Variants in PARD3B observed in about 807,000 individuals in gnomAD.
The protein encoded by PARD3B is par-3 family cell polarity regulator beta.
PARD3B carries 103 observed loss-of-function variants against 130.2 expected under a neutral mutation model. The observed-to-expected ratio is 0.79, with a 90% CI of 0.67 to 0.93. PARD3B has a LOEUF of 0.93. Among genes scored for constraint, PARD3B ranks in the 40% least tolerant of loss-of-function variants. The pLI is 0.00. For synonymous variants in PARD3B, 583 were observed against 553.2 expected (o/e 1.05, Z -0.76); for missense variants, 1,609 against 1,499.2 (o/e 1.07, Z -1.21).
At chr2:205,126,408 C>T (rs2031401361) in intron 10 of PARD3B, among the ~76,000 whole-genome samples, 1 of 151,978 alleles carries the variant, frequency 6.6e-6, no homozygotes, top group African/African-American at 2.4e-5. Flanking sequence ...AACTGTAAGG[C>T]ATTGGTTAGA....
intron 3 of PARD3B, among the ~76,000 whole-genome samples, chr2:205,001,079 C>A (rs527848289): frequency 2.3e-4 from 35 of 152,152 alleles, no homozygotes; most frequent in Non-Finnish European, 4.1e-4. Flanking sequence ...ACCTCTGCCT[C>A]CCAGGTTCAA....
At chr2:205,485,988 A>C (rs9630976) in intron 20 of PARD3B, among the ~76,000 whole-genome samples, 52,483 of 152,072 alleles carry the variant, frequency 0.35, 9,193 homozygotes, top group Middle Eastern at 0.5. Context: ...GTGTCTCCCC[A>C]ACTAGACTGT....
At chr2:204,646,223 C>T (rs777728557) in intron 1 of PARD3B, among the ~76,000 whole-genome samples, 4 of 152,030 alleles carry the variant, frequency 2.6e-5, no homozygotes, top group Non-Finnish European at 4.4e-5. Flanking sequence ...TTGCTTGCAC[C>T]CCAGAAGTTC....
chr2:205,447,398 A>T (rs1387094761), intron 20 of PARD3B, among the ~76,000 whole-genome samples: 1 of 152,036 alleles, frequency 6.6e-6, no homozygotes, highest in African/African-American at 2.4e-5. Context: ...TTTTCTTGAG[A>T]TGGAGCTTCA....
intron 4 of PARD3B, among the ~76,000 whole-genome samples, chr2:205,100,611 G>A (rs905117681): frequency 9.9e-5 from 15 of 152,098 alleles, no homozygotes; most frequent in African/African-American, 3.1e-4. Flanking sequence ...ATAATTGACT[G>A]TGTCGTACTG....
intron 18 of PARD3B, among the ~76,000 whole-genome samples, chr2:205,308,182 C>A (rs926370284): frequency 6.6e-6 from 1 of 152,004 alleles, no homozygotes; most frequent in Non-Finnish European, 1.5e-5. Flanking sequence ...TTTATTAAAG[C>A]CCTATTTTGT....
At chr2:204,696,982 ACATGTT>A (rs2037640092) in intron 2 of PARD3B, among the ~76,000 whole-genome samples, 1 of 152,110 alleles carries the variant, frequency 6.6e-6, no homozygotes, top group South Asian at 2.1e-4. Context: ...ATTGAAATAC[ACATGTT>A]TATACAATAC....
chr2:204,932,963 A>T (rs920286322), intron 2 of PARD3B, among the ~76,000 whole-genome samples: 2 of 152,170 alleles, frequency 1.3e-5, no homozygotes, highest in African/African-American at 4.8e-5. Flanking sequence ...AGGGTTATGT[A>T]TTATTCAATT....
At chr2:205,186,989 A>G (rs1244631642) in intron 14 of PARD3B, among the ~76,000 whole-genome samples, 2 of 152,198 alleles carry the variant, frequency 1.3e-5, no homozygotes, top group Non-Finnish European at 2.9e-5. Context: ...TGCAAAGCTG[A>G]ATCAGATATA....
chr2:205,346,648 C>T (rs2043802712), intron 18 of PARD3B, among the ~76,000 whole-genome samples: 1 of 152,136 alleles, frequency 6.6e-6, no homozygotes, highest in Admixed American at 6.5e-5. Context: ...CATATGGTCA[C>T]CTTTTTATAA....
At chr2:205,386,520 A>T (rs1183381894) in intron 18 of PARD3B, among the ~76,000 whole-genome samples, 1 of 152,170 alleles carries the variant, frequency 6.6e-6, no homozygotes, top group Non-Finnish European at 1.5e-5. Flanking sequence ...GGGGAAAGTT[A>T]TCCAGTCTGC....
chr2:205,502,985 C>G (rs1469424065), intron 21 of PARD3B, among the ~76,000 whole-genome samples: 1 of 151,088 alleles, frequency 6.6e-6, no homozygotes, highest in African/African-American at 2.4e-5. Context: ...GTCTTCTCTC[C>G]CCTCTCCCTT....
chr2:204,627,915 C>T (rs1448692773), intron 1 of PARD3B, among the ~76,000 whole-genome samples: 2 of 141,726 alleles, frequency 1.4e-5, no homozygotes, highest in Non-Finnish European at 2.9e-5. Flanking sequence ...AACCTGCAGC[C>T]CCAGGTTGCC....
At chr2:204,713,075 T>C (rs1303632363) in intron 2 of PARD3B, among the ~76,000 whole-genome samples, 1 of 152,030 alleles carries the variant, frequency 6.6e-6, no homozygotes, top group African/African-American at 2.4e-5. Context: ...TTTGAACTTA[T>C]TAATCCTGAT....
chr2:205,217,174 A>G (rs749009224), intron 15 of PARD3B, among the ~76,000 whole-genome samples: 22 of 152,204 alleles, frequency 1.4e-4, no homozygotes, highest in Non-Finnish European at 2.6e-4. Context: ...CTAGCCAGAA[A>G]GTAGCTAGGG....
At chr2:205,369,646 T>C (rs891440097) in intron 18 of PARD3B, among the ~76,000 whole-genome samples, 7 of 152,202 alleles carry the variant, frequency 4.6e-5, no homozygotes, top group African/African-American at 1.7e-4. Context: ...GGTCAAGTCC[T>C]CTAACTCTAT....
chr2:204,616,351 A>C (rs2034112700), intron 1 of PARD3B, among the ~76,000 whole-genome samples: 1 of 152,218 alleles, frequency 6.6e-6, no homozygotes, highest in East Asian at 1.9e-4. Flanking sequence ...CAGATGGTAA[A>C]TAAGCACATG....
chr2:205,538,288 G>C (rs1356243235), intron 21 of PARD3B, among the ~76,000 whole-genome samples: 4 of 152,194 alleles, frequency 2.6e-5, no homozygotes, highest in South Asian at 4.1e-4. Flanking sequence ...ATGGAAGAGA[G>C]GGGGAGAGGA....
At chr2:205,192,177 T>A (rs977804155) in intron 14 of PARD3B, among the ~76,000 whole-genome samples, 1 of 152,200 alleles carries the variant, frequency 6.6e-6, no homozygotes, top group Non-Finnish European at 1.5e-5. Context: ...TAAACTTATT[T>A]TGGTATTTCA....
Sources: allele counts gnomAD v4.1 joint callset (sites outside exome capture counted in the v4.1 genomes callset), GRCh38; gene constraint gnomAD v4.1.1; transcripts MANE v1.5; gene names NCBI Gene and HGNC (gene_info 2026-07-23, HGNC 2026-07-21).